MYLK: variants seen among roughly 807,000 people sequenced by gnomAD.
The protein encoded by MYLK is myosin light chain kinase, smooth muscle.
Under a neutral mutation model 203.4 loss-of-function variants are expected in MYLK, and 106 were observed. That is an observed-to-expected ratio of 0.52 (90% CI 0.45 to 0.61). The LOEUF is 0.61. Among genes scored for constraint, MYLK ranks in the 20% least tolerant of loss-of-function variants. MYLK has a pLI of 0.00. For missense variants in MYLK, 2,072 were observed against 2,442.3 expected, an observed-to-expected ratio of 0.85 and a Z score of 3.20; for synonymous variants, 867 against 959.5, an observed-to-expected ratio of 0.90 and a Z score of 1.78.
chr3:123,840,458 T>C (rs2066565451), intron 2 of MYLK, among the ~76,000 whole-genome samples: 1 of 151,074 alleles, frequency 6.6e-6, no homozygotes, highest in African/African-American at 2.4e-5. Flanking sequence ...TGTCATAATA[T>C]AAAAACTTGA....
In MYLK at chr3:123,629,431, G is replaced by A; in HGVS notation, c.5114+43C>T. On this transcript the variant is annotated intron_variant, in intron 30 of 33. Coordinates refer to ENST00000360304, the MANE Select transcript of MYLK (RefSeq NM_053025.4). The surrounding 1 kb of genome is among the most constrained non-coding windows in gnomAD (Gnocchi z 4.4). ...AATCCCCCTTTGCTTCCCAACACAG[G>A]GCAGGGAGTAGGGAAGCAAAGACTG... is the stretch of plus-strand genomic sequence containing the variant. 6.2e-7 allele frequency: 1 copy of A among 1,610,832 alleles called. No homozygotes were observed. The highest frequency in any genetic ancestry group is 8.5e-7 in the Non-Finnish European group (1 of 1,177,352).
At chr3:123,736,176 T>C (rs1017348527) in intron 8 of MYLK, among the ~76,000 whole-genome samples, 1 of 152,168 alleles carries the variant, frequency 6.6e-6, no homozygotes, top group South Asian at 2.1e-4. Flanking sequence ...TCAAGTGAAA[T>C]AGAGAATACC....
intron 20 of MYLK, among the ~76,000 whole-genome samples, chr3:123,679,975 C>T (rs1443911615): frequency 1.3e-5 from 2 of 152,158 alleles, no homozygotes; most frequent in Admixed American, 6.5e-5. Context: ...TCCAGCTTGA[C>T]TGCACATGAC....
At chr3:123,706,548 T>C (rs1318359050) in intron 16 of MYLK, among the ~76,000 whole-genome samples, 1 of 152,160 alleles carries the variant, frequency 6.6e-6, no homozygotes, top group South Asian at 2.1e-4. Context: ...AATGCTCTTC[T>C]TCGATGCTTA....
intron 22 of MYLK, 44 bp from the exon 23 acceptor site, chr3:123,664,302 G>A: frequency 6.2e-7 from 1 of 1,613,756 alleles, no homozygotes; most frequent in South Asian, 1.1e-5. Context: ...TTGGGCCCCT[G>A]GGCTAGGAAA....
At chr3:123,728,607 A>G (rs2062374813) in intron 11 of MYLK, among the ~76,000 whole-genome samples, 1 of 152,112 alleles carries the variant, frequency 6.6e-6, no homozygotes, top group Non-Finnish European at 1.5e-5. Flanking sequence ...CAACAACAAC[A>G]ACAATAAAAC....
At chr3:123,860,977 A>T (rs1366997900) in intron 2 of MYLK, among the ~76,000 whole-genome samples, 1 of 152,012 alleles carries the variant, frequency 6.6e-6, no homozygotes, top group African/African-American at 2.4e-5. Context: ...AAAAATACAA[A>T]AAATTAGCCG....
At chr3:123,815,683 C>T (rs1284911016) in intron 3 of MYLK, among the ~76,000 whole-genome samples, 1 of 152,166 alleles carries the variant, frequency 6.6e-6, no homozygotes, top group Non-Finnish European at 1.5e-5. Flanking sequence ...ACATCGTGCC[C>T]ACCAACCTAT....
rs564154992 is a variant in MYLK, at chr3:123,676,931, G to A, written c.3652+5293C>T. On this transcript the variant is annotated intron_variant, in intron 20 of 33. Transcript: ENST00000360304. ...AACTCCCAGAGTCTGGTATCAAACT[G>A]GCATCACCTCATGTGCATTTCCTAA... Among the ~76,000 whole-genome samples, 3 of 152,264 alleles carry A rather than the reference G, an allele frequency of 2.0e-5. No homozygotes were observed. The East Asian group carries it at 5.8e-4, about 29-fold the overall frequency.
At chr3:123,638,586 C>A (rs1434090671) in intron 28 of MYLK, 1 of 220,776 alleles carries the variant, frequency 4.5e-6, no homozygotes, top group Non-Finnish European at 7.6e-6. Context: ...CAAGGGTTCT[C>A]ACCCACCCCA....
Position 123,625,597 on chromosome 3 carries a change from AG to A in MYLK, c.5238+1220del, listed in dbSNP as rs2058103632. ...GCCGAGGCGGGTGGATCACGAGGTC[AG>A]GAGATTGAGACCATCCTGGCTAACA... On this transcript the variant is annotated intron_variant, in intron 31 of 33. Transcript: ENST00000360304. Among the ~76,000 whole-genome samples the A allele has an allele frequency of 6.6e-5, 10 of 152,236 alleles. No homozygotes were observed. In the South Asian group the frequency reaches 2.1e-3, roughly 32 times the overall value.
At chr3:123,661,386 C>A (rs2059556611) in intron 23 of MYLK, among the ~76,000 whole-genome samples, 1 of 152,164 alleles carries the variant, frequency 6.6e-6, no homozygotes, top group South Asian at 2.1e-4. Flanking sequence ...ATCAGTGCTT[C>A]AGAACAGATC....
intron 4 of MYLK, among the ~76,000 whole-genome samples, chr3:123,783,087 C>T (rs2064362841): frequency 6.6e-6 from 1 of 151,830 alleles, no homozygotes; most frequent in African/African-American, 2.4e-5. Flanking sequence ...GTATAATAAT[C>T]TATCTCCTTT....
At position 123,640,214 on chromosome 3, in the gene MYLK, TCA is replaced by T. The variant is rs2058782889; in HGVS notation, c.4837+71_4837+72del. On this transcript the variant is annotated intron_variant, in intron 28 of 33. Coordinates refer to ENST00000360304, the MANE Select transcript of MYLK (RefSeq NM_053025.4). The surrounding 1 kb of genome is among the most constrained non-coding windows in gnomAD (Gnocchi z 4.3). Reference sequence around the variant, plus strand: ...TAACCCCAATACTGTATGTTTCCTCTCACACTCAGTGTGAGAGGAAACGGCCA... The same window carrying T: ...TAACCCCAATACTGTATGTTTCCTCTCACTCAGTGTGAGAGGAAACGGCCA... 2.1e-6 allele frequency: 3 copies of T among 1,412,530 alleles called. No homozygotes were observed. Among genetic ancestry groups the T allele is most frequent in the Non-Finnish European group, 3.0e-6 (3 of 999,178 alleles). 87.5% of individuals were successfully genotyped at this position (1,412,530 alleles called of 1,614,324 possible). A position where few individuals can be genotyped will look rare whatever the true frequency, so the allele number is the denominator to read the frequency against.
chr3:123,714,745 G>A (rs1005100781), intron 13 of MYLK, among the ~76,000 whole-genome samples: 5 of 152,174 alleles, frequency 3.3e-5, no homozygotes, highest in Admixed American at 2.6e-4. Context: ...GATCTAAAGT[G>A]CATTTATCTG....
At chr3:123,676,291 G>A (rs1204142146) in intron 20 of MYLK, among the ~76,000 whole-genome samples, 1 of 152,194 alleles carries the variant, frequency 6.6e-6, no homozygotes, top group Admixed American at 6.5e-5. Flanking sequence ...GTTGGTGCCA[G>A]CTTTCAGAAA....
intron 20 of MYLK, chr3:123,681,840 A>G (rs968805365): frequency 6.3e-6 from 2 of 318,000 alleles, no homozygotes; most frequent in Non-Finnish European, 1.2e-5. Flanking sequence ...GAGTGATGAG[A>G]TCAGAGTTAC....
chr3:123,653,991 T>TGTGTGTG (rs1317842556), intron 24 of MYLK, among the ~76,000 whole-genome samples: 1 of 122,040 alleles, frequency 8.2e-6, no homozygotes, highest in Non-Finnish European at 1.7e-5. Flanking sequence ...GGATGTTGTG[T>TGTGTGTG]GTGTGTGTGT....
intron 20 of MYLK, among the ~76,000 whole-genome samples, chr3:123,676,473 T>C (rs922680632): frequency 6.6e-6 from 1 of 152,194 alleles, no homozygotes; most frequent in Admixed American, 6.5e-5. Context: ...CCTGGGGAAA[T>C]CTTGCATGGA....
Sources: allele counts gnomAD v4.1 joint callset (sites outside exome capture counted in the v4.1 genomes callset), GRCh38; gene constraint gnomAD v4.1.1; non-coding constraint Gnocchi (gnomAD v3.1); transcripts MANE v1.5; gene names NCBI Gene and HGNC (gene_info 2026-07-23, HGNC 2026-07-21).